The following PDCD6IP variants were observed in gnomAD, a reference collection of about 807,000 sequenced individuals.
The protein encoded by PDCD6IP is programmed cell death 6-interacting protein.
Under a neutral mutation model 103.7 loss-of-function variants are expected in PDCD6IP, and 43 were observed. The ratio of observed to expected loss-of-function variants is 0.41; its 90% CI spans 0.32 to 0.53. PDCD6IP has a LOEUF of 0.53. Ranked by LOEUF, PDCD6IP falls within the 20% of genes least tolerant of loss-of-function variation. PDCD6IP has a pLI of 0.16. For synonymous variants in PDCD6IP, 354 were observed against 378.7 expected (o/e 0.93, Z 0.76); for missense variants, 871 against 1,036.7 (o/e 0.84, Z 2.20).
At chr3:33,849,498 T>C (rs1353378365) in intron 12 of PDCD6IP, among the ~76,000 whole-genome samples, 1 of 150,598 alleles carries the variant, frequency 6.6e-6, no homozygotes. Context: ...AGTAGTTGTG[T>C]CCATAGCATC....
intron 4 of PDCD6IP, among the ~76,000 whole-genome samples, chr3:33,823,994 G>A (rs983161010): frequency 1.3e-5 from 2 of 152,152 alleles, no homozygotes; most frequent in African/African-American, 4.8e-5. Flanking sequence ...TGTCTAGGCT[G>A]CTTGCCACCC....
At chr3:33,808,487 C>T (rs910291973) in intron 1 of PDCD6IP, among the ~76,000 whole-genome samples, 1 of 152,142 alleles carries the variant, frequency 6.6e-6, no homozygotes, top group Non-Finnish European at 1.5e-5. Flanking sequence ...ACTATGTGCC[C>T]AGGGTGGTCT....
At position 33,798,691 on chromosome 3, in the gene PDCD6IP, C is replaced by T. The variant is rs1696389285; in HGVS notation, c.-38C>T. 2.7e-6 allele frequency: 4 copies of T among 1,497,524 alleles called. No homozygotes were observed. Among genetic ancestry groups the T allele is most frequent in the Admixed American group, 2.1e-5 (1 of 47,184 alleles). 92.8% of individuals were successfully genotyped at this position (1,497,524 alleles called of 1,614,324 possible). A position where few individuals can be genotyped will look rare whatever the true frequency, so the allele number is the denominator to read the frequency against. ...CTCCTCGGCCCTCGTAAGCTGTCCGCGGTCTGTTTGGCCCGAACGGCGGCG... is the reference window on the plus strand; with the variant it reads ...CTCCTCGGCCCTCGTAAGCTGTCCGTGGTCTGTTTGGCCCGAACGGCGGCG... On this transcript the variant is annotated 5_prime_UTR_variant, in exon 1 of 18. Transcript: ENST00000307296.
At chr3:33,826,752 A>G in intron 6 of PDCD6IP, 172 bp downstream of exon 6, 2 of 1,364,422 alleles carry the variant, frequency 1.5e-6, no homozygotes, top group South Asian at 1.7e-5. Context: ...ATGCATGAAC[A>G]ATTCTTTTAT....
At chr3:33,857,490 G>T (rs1697854773) in intron 15 of PDCD6IP, among the ~76,000 whole-genome samples, 1 of 152,074 alleles carries the variant, frequency 6.6e-6, no homozygotes, top group African/African-American at 2.4e-5. Flanking sequence ...TAGTCTTAAT[G>T]ATAAAAAAAC....
intron 2 of PDCD6IP, chr3:33,813,238 C>T (rs112779449): frequency 0.042 from 7,665 of 182,450 alleles, 243 homozygotes; most frequent in Middle Eastern, 0.068. Context: ...ACTTTTATTT[C>T]CCTTGCTTCA....
chr3:33,810,146 AC>A (rs1696683269), intron 1 of PDCD6IP, among the ~76,000 whole-genome samples: 2 of 152,152 alleles, frequency 1.3e-5, no homozygotes, highest in Admixed American at 1.3e-4. Flanking sequence ...GATGAATCTT[AC>A]CAGAATTAGA....
chr3:33,857,957 A>T (rs1407591305), intron 15 of PDCD6IP, among the ~76,000 whole-genome samples: 1 of 152,224 alleles, frequency 6.6e-6, no homozygotes, highest in Non-Finnish European at 1.5e-5. Context: ...CAATCACATG[A>T]GAGAGAAATT....
intron 15 of PDCD6IP, among the ~76,000 whole-genome samples, chr3:33,856,569 G>T (rs1317409747): frequency 1.3e-5 from 2 of 152,126 alleles, no homozygotes; most frequent in Non-Finnish European, 2.9e-5. Flanking sequence ...TCTGTAAACA[G>T]AACACTTATT....
At chr3:33,859,132 G>T (rs1697894375) in intron 15 of PDCD6IP, among the ~76,000 whole-genome samples, 1 of 152,166 alleles carries the variant, frequency 6.6e-6, no homozygotes, top group African/African-American at 2.4e-5. Context: ...ATACATACGT[G>T]AATTTAGTGT....
intron 12 of PDCD6IP, among the ~76,000 whole-genome samples, chr3:33,846,660 A>G (rs1266492685): frequency 6.6e-6 from 1 of 151,974 alleles, no homozygotes; most frequent in African/African-American, 2.4e-5. Context: ...GTAGGATCGG[A>G]GAAGGGCTGA....
intron 10 of PDCD6IP, among the ~76,000 whole-genome samples, chr3:33,842,940 A>G (rs924221795): frequency 2.6e-5 from 4 of 152,222 alleles, no homozygotes; most frequent in African/African-American, 9.6e-5. Context: ...ATCTGGGTTT[A>G]AGGTGAATTC....
chr3:33,835,336 G>T (rs531845616), intron 7 of PDCD6IP: 4 of 456,464 alleles, frequency 8.8e-6, no homozygotes, highest in Admixed American at 4.7e-5. Flanking sequence ...TCAATTCTCT[G>T]TGTTGTGTGG....
chr3:33,802,239 T>G lies in PDCD6IP; in HGVS notation c.209+3302T>G, dbSNP rs374564017. ...AAGGCACGGGGCTCGCCCTTTAGGG[T>G]GTTTCCTGGCAACTGTTCCACAACA... On this transcript the variant is annotated intron_variant, in intron 1 of 17. Transcript: ENST00000307296. Among the ~76,000 whole-genome samples, 28 of 152,184 alleles carry G rather than the reference T, an allele frequency of 1.8e-4. No homozygotes were observed. In the East Asian group the frequency reaches 5.2e-3, roughly 28 times the overall value.
intron 16 of PDCD6IP, 75 bp downstream of exon 16, chr3:33,864,204 GATTTAC>G: frequency 1.1e-6 from 1 of 905,948 alleles, no homozygotes; most frequent in Non-Finnish European, 1.8e-6. Flanking sequence ...GATAAAACAT[GATTTAC>G]ATAGGAAGGA....
At chr3:33,841,350 A>G (rs1486461707) in intron 9 of PDCD6IP, among the ~76,000 whole-genome samples, 1 of 142,934 alleles carries the variant, frequency 7.0e-6, no homozygotes, top group Non-Finnish European at 1.5e-5. Flanking sequence ...TTAATTCTGA[A>G]TTGTGGGCTT....
At chr3:33,840,214 G>GA (rs568574030) in intron 9 of PDCD6IP, among the ~76,000 whole-genome samples, 168 of 152,094 alleles carry the variant, frequency 1.1e-3, no homozygotes, top group African/African-American at 4.0e-3. Flanking sequence ...ATAAGCTAGA[G>GA]AAAAAATACT....
chr3:33,833,602 G>A (rs979267802), intron 7 of PDCD6IP, among the ~76,000 whole-genome samples: 1 of 151,998 alleles, frequency 6.6e-6, no homozygotes, highest in African/African-American at 2.4e-5. Context: ...TCTGGTTTGG[G>A]CCATCCAGTC....
intron 15 of PDCD6IP, among the ~76,000 whole-genome samples, chr3:33,860,751 A>G (rs1697933897): frequency 6.6e-6 from 1 of 152,072 alleles, no homozygotes; most frequent in Non-Finnish European, 1.5e-5. Flanking sequence ...CATATATTTT[A>G]TTATGTGAAT....
Sources: allele counts gnomAD v4.1 joint callset (sites outside exome capture counted in the v4.1 genomes callset), GRCh38; gene constraint gnomAD v4.1.1; transcripts MANE v1.5; gene names NCBI Gene and HGNC (gene_info 2026-07-23, HGNC 2026-07-21).